Variants in LHX6 observed in about 807,000 individuals in gnomAD.
LHX6 encodes the protein LIM homeobox 6, also known as LIM/homeobox protein Lhx6.
A neutral mutation model predicts 47.1 loss-of-function variants in LHX6; 15 were observed. The ratio of observed to expected loss-of-function variants is 0.32; its 90% confidence interval spans 0.21 to 0.49. The LOEUF is 0.49. Ranked by LOEUF, LHX6 falls within the 20% of genes least tolerant of loss-of-function variation. The pLI is 0.99. For missense variants in LHX6, 404 were observed against 539.6 expected (o/e 0.75, Z 2.49); for synonymous variants, 242 against 233.5 (o/e 1.04, Z -0.33).
rs1195022191 is a variant in LHX6, at chr9:122,214,259, G to C, written c.783+24C>G. 5 of 1,349,936 alleles carry C rather than the reference G, an allele frequency of 3.7e-6. No homozygotes were observed. The highest frequency in any genetic ancestry group is 2.1e-5 in the Admixed American group (1 of 47,084). 83.6% of individuals were successfully genotyped at this position (1,349,936 alleles called of 1,614,324 possible). On this transcript the variant is annotated intron_variant, in intron 6 of 9. Coordinates refer to ENST00000394319, the MANE Select transcript of LHX6 (RefSeq NM_014368.5). The surrounding 1 kb of genome is among the most constrained non-coding windows in gnomAD (Gnocchi z 4.6). ...CACTTTCGGCCCGGCCCCCGCCCCCGCCGCCCACTGCTTGCAGCGGTACCT... is the reference window on the plus strand; with the variant it reads ...CACTTTCGGCCCGGCCCCCGCCCCCCCCGCCCACTGCTTGCAGCGGTACCT...
intron 4 of LHX6, chr9:122,221,771 G>A (rs976607465): frequency 4.8e-5 from 47 of 975,768 alleles, no homozygotes; most frequent in Non-Finnish European, 5.5e-5. Flanking sequence ...CAACCAAACT[G>A]GGCAGGGACT....
Position 122,228,674 on chromosome 9 carries a change from C to A in LHX6, c.67G>T (p.Gly23Cys), listed in dbSNP as rs752983974. The A allele has an allele frequency of 4.7e-6, 6 of 1,287,950 alleles. No homozygotes were observed. The South Asian group carries it at 7.9e-5, about 17-fold the overall frequency. The allele number at this position is 1,287,950 out of a possible 1,614,324, so 79.8% of individuals were successfully genotyped here. ...PEGCRLPAEG[G>C]PATDQVMAQP... ...CGGCTCACCTGGTCGGTGGCGGGGCCGCCCTCGGCCGGCAGCCGGCAGCCC... is the reference window on the plus strand; with the variant it reads ...CGGCTCACCTGGTCGGTGGCGGGGCAGCCCTCGGCCGGCAGCCGGCAGCCC... The change falls in exon 1 of 10, where the codon GGC (glycine) becomes TGC (cysteine). Residue 23 changes from glycine (G) to cysteine (C), a missense_variant. Gly to Cys is a radical substitution (Grantham distance 159). Coordinates refer to ENST00000394319, the MANE Select transcript of LHX6 (RefSeq NM_014368.5).
rs761723221 is a variant in LHX6, at chr9:122,217,972, C to A, written c.462-684G>T. 1.7e-4 allele frequency among the ~76,000 whole-genome samples: 26 copies of A among 152,214 alleles called. No individual in the cohort carries two copies. Among genetic ancestry groups the A allele is most frequent in the Non-Finnish European group, 3.4e-4 (23 of 68,034 alleles). ...TTAGTGCTTTGCAGTTGGCTAAGTACCCAGCAAGTCCCTCTGGAGCCTGTG... is the reference window on the plus strand; with the variant it reads ...TTAGTGCTTTGCAGTTGGCTAAGTAACCAGCAAGTCCCTCTGGAGCCTGTG... On this transcript the variant is annotated intron_variant, in intron 4 of 9. Transcript: ENST00000394319. This position sits in a 1 kb window ranked among gnomAD's most constrained non-coding sequence, Gnocchi z 4.9.
rs1830660053 is a variant in LHX6 at position 122,217,963 on chromosome 9, G to T, written c.462-675C>A. 6.6e-6 allele frequency among the ~76,000 whole-genome samples: 1 copy of T among 152,152 alleles called. No homozygotes were observed. The highest frequency in any genetic ancestry group is 2.4e-5 in the African/African-American group (1 of 41,408). ...ACTGTTTGTTTAGTGCTTTGCAGTT[G>T]GCTAAGTACCCAGCAAGTCCCTCTG... On this transcript the variant is annotated intron_variant, in intron 4 of 9. Transcript: ENST00000394319. This position sits in a 1 kb window ranked among gnomAD's most constrained non-coding sequence, Gnocchi z 4.9.
chr9:122,226,552 G>T lies in LHX6; in HGVS notation c.340-55C>A, dbSNP rs1240331900. 1.3e-6 allele frequency: 2 copies of T among 1,580,492 alleles called. No homozygotes were observed. Among genetic ancestry groups the T allele is most frequent in the Non-Finnish European group, 1.7e-6 (2 of 1,169,248 alleles). ...TCAGCGCGGGCCTCTTTCACTCCGGGCCCCAGCCTTCCCGGTCTCATTTAC... is the reference window on the plus strand; with the variant it reads ...TCAGCGCGGGCCTCTTTCACTCCGGTCCCCAGCCTTCCCGGTCTCATTTAC... On this transcript the variant is annotated intron_variant, in intron 3 of 9. Transcript: ENST00000394319. The surrounding 1 kb of genome is among the most constrained non-coding windows in gnomAD (Gnocchi z 6.5).
rs912823402 is a variant in LHX6 at position 122,202,704 on chromosome 9, ATT to A, written c.*2054_*2055del. 1 of 152,446 alleles carries A rather than the reference ATT, an allele frequency of 6.6e-6. No homozygotes were observed. The highest frequency in any genetic ancestry group is 2.1e-4 in the South Asian group (1 of 4,818). The allele number at this position is 152,446 out of a possible 1,614,324, so 9.4% of individuals were successfully genotyped here. A position where few individuals can be genotyped will look rare whatever the true frequency, so the allele number is the denominator to read the frequency against. ...TGGTTTTACAAAAAAAGTGCTTACA[ATT>A]TTTTTTCCGTGTGTGTGTTTTCCCC... is the stretch of plus-strand genomic sequence containing the variant. On this transcript the variant is annotated 3_prime_UTR_variant, in exon 10 of 10. Coordinates refer to ENST00000394319, the MANE Select transcript of LHX6 (RefSeq NM_014368.5).
At chr9:122,220,075 T>G (rs973715106) in intron 4 of LHX6, among the ~76,000 whole-genome samples, 2 of 152,244 alleles carry the variant, frequency 1.3e-5, no homozygotes, top group Non-Finnish European at 2.9e-5. Flanking sequence ...CTTTCCCCCT[T>G]GGCCAGGGAC....
chr9:122,220,353 G>C (rs1267339361), intron 4 of LHX6, among the ~76,000 whole-genome samples: 1 of 152,198 alleles, frequency 6.6e-6, no homozygotes, highest in Non-Finnish European at 1.5e-5. Context: ...CTTGAGGTGG[G>C]GTTAGGGGGG....
At position 122,213,488 on chromosome 9, in the gene LHX6, T is replaced by C. The variant is rs528508332; in HGVS notation, c.1054+118A>G. 11 of 919,000 alleles carry C rather than the reference T, an allele frequency of 1.2e-5. No homozygotes were observed. In the East Asian group the frequency reaches 3.0e-4, roughly 25 times the overall value. 56.9% of individuals were successfully genotyped at this position (919,000 alleles called of 1,614,324 possible). A position where few individuals can be genotyped will look rare whatever the true frequency, so the allele number is the denominator to read the frequency against. On this transcript the variant is annotated intron_variant, in intron 8 of 9. Transcript: ENST00000394319. The surrounding 1 kb of genome is among the most constrained non-coding windows in gnomAD (Gnocchi z 5.5). ...TCCAAATGACTTCGGGTCCCGCTTCTTCACCCACGAGGCTCCCCAAGGCCC... is the reference window on the plus strand; with the variant it reads ...TCCAAATGACTTCGGGTCCCGCTTCCTCACCCACGAGGCTCCCCAAGGCCC...
At chr9:122,205,313 C>A (rs1328247725) in intron 9 of LHX6, among the ~76,000 whole-genome samples, 1 of 152,208 alleles carries the variant, frequency 6.6e-6, no homozygotes, top group Non-Finnish European at 1.5e-5. Flanking sequence ...CTGCTTATTA[C>A]CCACAGGGCC....
At position 122,209,732 on chromosome 9, in the gene LHX6, A is replaced by G. The variant is rs1044339435; in HGVS notation, c.1055-15T>C. On this transcript the variant is annotated splice_polypyrimidine_tract_variant and intron_variant, in intron 8 of 9. Coordinates refer to ENST00000394319, the MANE Select transcript of LHX6 (RefSeq NM_014368.5). ...CTGTACCTGACCTGTGGACGAGAGG[A>G]TGCCTTGGAGCTCATCCCCCAGGCT... 6.2e-6 allele frequency: 5 copies of G among 805,146 alleles called. No individual in the cohort carries two copies. Among genetic ancestry groups the G allele is most frequent in the Non-Finnish European group, 1.1e-5 (5 of 442,976 alleles). The allele number at this position is 805,146 out of a possible 1,614,324, so 49.9% of individuals were successfully genotyped here.
rs1322874300 is a variant in LHX6 at position 122,202,879 on chromosome 9, G to A, written c.*1881C>T. The A allele has an allele frequency of 1.3e-5, 2 of 152,696 alleles. No individual in the cohort carries two copies. Among genetic ancestry groups the A allele is most frequent in the African/African-American group, 2.4e-5 (1 of 41,572 alleles). 9.5% of individuals were successfully genotyped at this position (152,696 alleles called of 1,614,324 possible). A position where few individuals can be genotyped will look rare whatever the true frequency, so the allele number is the denominator to read the frequency against. On this transcript the variant is annotated 3_prime_UTR_variant, in exon 10 of 10. Transcript: ENST00000394319. The stretch of plus-strand genomic sequence containing the variant: ...ACCCTGAGGAGAGGCTCAAGGCAGA[G>A]TGTGTTGGGTGACCCTGGGTAGGGC...
chr9:122,227,545 C>T, intron 1 of LHX6, 65 bp from the exon 2 acceptor site: 1 of 1,466,126 alleles, frequency 6.8e-7, no homozygotes, highest in Non-Finnish European at 9.0e-7. Flanking sequence ...ACAGCCTGAG[C>T]CCAGCGCCTC....
chr9:122,209,595 C>T lies in LHX6; in HGVS notation c.1158+19G>A, dbSNP rs368358286. ...GCAGGGTGGCTCTGACCCACCAGAC[C>T]CAACCTGGCTCCATTTACCTTCTCA... is the stretch of plus-strand genomic sequence containing the variant. On this transcript the variant is annotated intron_variant, in intron 9 of 9. Transcript: ENST00000394319. The T allele has an allele frequency of 5.4e-4, 869 of 1,613,560 alleles. 2 individuals are homozygous for T. Among genetic ancestry groups the T allele is most frequent in the Non-Finnish European group, 3.6e-4 (425 of 1,179,752 alleles).
Position 122,204,698 on chromosome 9 carries a change from A to T in LHX6, c.*62T>A. 1.3e-6 allele frequency: 2 copies of T among 1,588,342 alleles called. No homozygotes were observed. Among genetic ancestry groups the T allele is most frequent in the Non-Finnish European group, 1.7e-6 (2 of 1,166,340 alleles). On this transcript the variant is annotated 3_prime_UTR_variant, in exon 10 of 10. Transcript: ENST00000394319. ...CTCCTGGCCGCAGCTTGGACACTGG[A>T]TCTCAGCGGCTGAGGGGCAGCTGTG...
intron 2 of LHX6, 65 bp downstream of exon 2, chr9:122,227,343 TG>T: frequency 7.2e-7 from 1 of 1,388,504 alleles, no homozygotes; most frequent in Non-Finnish European, 9.5e-7. Flanking sequence ...CCGGAAAACC[TG>T]GCCAGGTCCC....
At chr9:122,224,670 T>C (rs1055295508) in intron 4 of LHX6, among the ~76,000 whole-genome samples, 6 of 151,964 alleles carry the variant, frequency 3.9e-5, no homozygotes, top group African/African-American at 1.5e-4. Flanking sequence ...CTAGTCCAGA[T>C]GTAATCCTGT....
chr9:122,214,243 C>G lies in LHX6; in HGVS notation c.783+40G>C. The G allele has an allele frequency of 6.7e-7, 1 of 1,485,538 alleles. No individual in the cohort carries two copies. Among genetic ancestry groups the G allele is most frequent in the Non-Finnish European group, 9.0e-7 (1 of 1,116,698 alleles). The allele number at this position is 1,485,538 out of a possible 1,614,324, so 92.0% of individuals were successfully genotyped here. On this transcript the variant is annotated intron_variant, in intron 6 of 9. Transcript: ENST00000394319. The surrounding 1 kb of genome is among the most constrained non-coding windows in gnomAD (Gnocchi z 4.6). ...CATTGTCGGCCCCGCCCACTTTCGG[C>G]CCGGCCCCCGCCCCCGCCGCCCACT...
At chr9:122,223,936 C>A (rs1830981135) in intron 4 of LHX6, among the ~76,000 whole-genome samples, 1 of 152,130 alleles carries the variant, frequency 6.6e-6, no homozygotes, top group Non-Finnish European at 1.5e-5. Flanking sequence ...ACCCAGACAC[C>A]ATTCTGCTGG....
Sources: gnomAD v4.1 joint callset for allele counts (sites outside exome capture counted in the v4.1 genomes callset) on GRCh38, gnomAD v4.1.1 for gene constraint, Gnocchi (gnomAD v3.1) non-coding constraint, MANE v1.5 for transcripts, NCBI Gene and HGNC (gene_info 2026-07-23, HGNC 2026-07-21) for gene names.